The following IGF2BP2 variants were observed in gnomAD, a reference collection of about 807,000 sequenced individuals.
IGF2BP2 encodes the protein insulin like growth factor 2 mRNA binding protein 2.
IGF2BP2 carries 17 observed loss-of-function variants against 75.8 expected under a neutral mutation model. That is an observed-to-expected ratio of 0.22 (90% CI 0.15 to 0.34). The LOEUF is 0.34. Ranked by LOEUF, IGF2BP2 falls within the 10% of genes least tolerant of loss-of-function variation. The pLI, the probability that IGF2BP2 is intolerant of heterozygous loss-of-function variation, is 1.00. For missense variants in IGF2BP2, 516 were observed against 772.4 expected (o/e 0.67, Z 3.93); for synonymous variants, 288 against 295.6 (o/e 0.97, Z 0.26).
At chr3:185,652,601 A>G (rs969040731) in intron 12 of IGF2BP2, among the ~76,000 whole-genome samples, 2 of 152,208 alleles carry the variant, frequency 1.3e-5, no homozygotes, top group Admixed American at 6.5e-5. Context: ...CAGCAAAGGT[A>G]TCTCTGGTTC....
intron 2 of IGF2BP2, among the ~76,000 whole-genome samples, chr3:185,741,659 TA>T (rs1263246891): frequency 6.6e-6 from 1 of 152,162 alleles, no homozygotes; most frequent in East Asian, 1.9e-4. Flanking sequence ...GTGACAACAG[TA>T]ACTGGCCACT....
intron 2 of IGF2BP2, among the ~76,000 whole-genome samples, chr3:185,775,025 A>G (rs80028666): frequency 1.4e-5 from 2 of 144,756 alleles, no homozygotes; most frequent in Non-Finnish European, 3.1e-5. Context: ...GTCTAAAAAG[A>G]AAAAAAAAAA....
intron 2 of IGF2BP2, among the ~76,000 whole-genome samples, chr3:185,748,934 C>T (rs980481577): frequency 2.0e-5 from 3 of 152,208 alleles, no homozygotes; most frequent in Non-Finnish European, 2.9e-5. Context: ...GAGGCCGAGG[C>T]AGGCTGATCA....
chr3:185,683,765 G>GA (rs1447260027), intron 7 of IGF2BP2, among the ~76,000 whole-genome samples: 3 of 152,054 alleles, frequency 2.0e-5, no homozygotes, highest in Non-Finnish European at 4.4e-5. Context: ...GAAGTTTTCT[G>GA]AAAAAAGGAC....
chr3:185,715,992 C>T (rs1457582189), intron 2 of IGF2BP2, among the ~76,000 whole-genome samples: 1 of 152,060 alleles, frequency 6.6e-6, no homozygotes, highest in African/African-American at 2.4e-5. Context: ...TCCACTTAAC[C>T]AACAAATTAA....
chr3:185,748,150 C>T (rs562540066), intron 2 of IGF2BP2, among the ~76,000 whole-genome samples: 21 of 152,138 alleles, frequency 1.4e-4, no homozygotes, highest in African/African-American at 3.9e-4. Context: ...GTGATCCACC[C>T]GCCTCAGCCT....
chr3:185,692,271 C>T (rs191076266), intron 5 of IGF2BP2, among the ~76,000 whole-genome samples: 1 of 152,322 alleles, frequency 6.6e-6, no homozygotes, highest in Admixed American at 6.5e-5. Flanking sequence ...GCTTGTGCTG[C>T]CTCTTCACAG....
intron 2 of IGF2BP2, among the ~76,000 whole-genome samples, chr3:185,706,666 C>T (rs1724065142): frequency 6.6e-6 from 1 of 151,972 alleles, no homozygotes; most frequent in African/African-American, 2.4e-5. Context: ...AAGAAATTAG[C>T]ATGCTTGTTT....
chr3:185,776,746 C>G (rs1734583478), intron 2 of IGF2BP2, among the ~76,000 whole-genome samples: 1 of 152,178 alleles, frequency 6.6e-6, no homozygotes, highest in South Asian at 2.1e-4. Flanking sequence ...AAAAAAAGAG[C>G]AGATGCCACA....
At chr3:185,820,695 T>TC (rs1741264637) in intron 2 of IGF2BP2, among the ~76,000 whole-genome samples, 1 of 151,970 alleles carries the variant, frequency 6.6e-6, no homozygotes, top group African/African-American at 2.4e-5. Flanking sequence ...GATAAAAACA[T>TC]CTCCTCCCAA....
At chr3:185,779,739 G>A (rs533573802) in intron 2 of IGF2BP2, among the ~76,000 whole-genome samples, 121 of 145,984 alleles carry the variant, frequency 8.3e-4, no homozygotes, top group African/African-American at 3.1e-3. Flanking sequence ...CTAGACCACC[G>A]TAACTGTCCT....
intron 7 of IGF2BP2, among the ~76,000 whole-genome samples, chr3:185,686,276 C>T (rs1012363633): frequency 1.3e-5 from 2 of 151,544 alleles, no homozygotes; most frequent in Admixed American, 6.6e-5. Flanking sequence ...CCCAGCTATT[C>T]GGGAGGCTGA....
In IGF2BP2 at chr3:185,694,923, C is replaced by CT. The variant is rs550547566; in HGVS notation, c.340+1688dup. 7.7e-4 allele frequency among the ~76,000 whole-genome samples: 117 copies of CT among 152,242 alleles called. 1 individual carries two copies. The highest frequency in any genetic ancestry group is 2.7e-3 in the African/African-American group (112 of 41,542). On this transcript the variant is annotated intron_variant, in intron 4 of 15. Transcript: ENST00000382199. ...CCAACACGGTGAAACCCTGTCTCTA[C>CT]TAAAACTACAAAAATTAGCCAGGCA...
intron 10 of IGF2BP2, 60 bp downstream of exon 10, chr3:185,672,481 C>G (rs1001099444): frequency 2.6e-6 from 4 of 1,540,940 alleles, no homozygotes; most frequent in Admixed American, 3.7e-5. Context: ...ACAGCAGAGG[C>G]ATGCTGCTGC....
At chr3:185,712,832 T>C (rs1334028126) in intron 2 of IGF2BP2, among the ~76,000 whole-genome samples, 2 of 152,174 alleles carry the variant, frequency 1.3e-5, no homozygotes, top group African/African-American at 2.4e-5. Context: ...TATTTTATAA[T>C]TGGATGGCTT....
At chr3:185,649,354 G>C in intron 14 of IGF2BP2, 49 bp downstream of exon 14, 1 of 1,605,198 alleles carries the variant, frequency 6.2e-7, no homozygotes, top group East Asian at 2.2e-5. Context: ...GGCAAGGCCA[G>C]AGCGGGGAAT....
chr3:185,658,082 C>A (rs1715740558), intron 11 of IGF2BP2, among the ~76,000 whole-genome samples: 1 of 152,226 alleles, frequency 6.6e-6, no homozygotes, highest in Non-Finnish European at 1.5e-5. Context: ...GCTTGCCCAT[C>A]TGCAGCAGTT....
In IGF2BP2 at chr3:185,654,264, G is replaced by A. The variant is rs561091832; in HGVS notation, c.1387-2096C>T. 7.2e-5 allele frequency among the ~76,000 whole-genome samples: 11 copies of A among 152,270 alleles called. No homozygotes were observed. The South Asian group carries it at 1.5e-3, about 20-fold the overall frequency. On this transcript the variant is annotated intron_variant, in intron 12 of 15. Transcript: ENST00000382199. Reference sequence around the variant, plus strand: ...TGGCAGGGCCTCGGCCGAAAAACACGGATCTGAGTGTGTCCAGGGGTCTGA... The same window carrying A: ...TGGCAGGGCCTCGGCCGAAAAACACAGATCTGAGTGTGTCCAGGGGTCTGA...
chr3:185,754,304 A>G (rs1731322724), intron 2 of IGF2BP2, among the ~76,000 whole-genome samples: 1 of 152,096 alleles, frequency 6.6e-6, no homozygotes, highest in Non-Finnish European at 1.5e-5. Flanking sequence ...ACCTTCTGCC[A>G]TGACTAGAAG....
Sources: allele counts gnomAD v4.1 joint callset (sites outside exome capture counted in the v4.1 genomes callset), GRCh38; gene constraint gnomAD v4.1.1; transcripts MANE v1.5; gene names NCBI Gene and HGNC (gene_info 2026-07-23, HGNC 2026-07-21).